The following PCDHGA1 variants were observed in gnomAD, a reference collection of about 807,000 sequenced individuals.
The protein encoded by PCDHGA1 is protocadherin gamma-A1.
In PCDHGA1, 32 loss-of-function variants were observed where a neutral mutation model predicts 58.0. The observed-to-expected ratio is 0.55, with a 90% CI of 0.42 to 0.74. The LOEUF (loss-of-function observed/expected upper bound fraction) is 0.74, where lower values mean the gene tolerates loss of function less well. PCDHGA1 is among the 30% of genes least tolerant of loss of function. The pLI is 0.00. For missense variants in PCDHGA1, 1,205 were observed against 1,182.3 expected, an observed-to-expected ratio of 1.02 and a Z score of -0.28; for synonymous variants, 498 against 501.1, an observed-to-expected ratio of 0.99 and a Z score of 0.08.
At chr5:141,441,793 C>T (rs961624726) in intron 1 of PCDHGA1, 7 of 391,390 alleles carry the variant, frequency 1.8e-5, no homozygotes, top group Non-Finnish European at 3.6e-5. Flanking sequence ...AATGACAACG[C>T]ACCGCGGGTG....
At chr5:141,443,759 A>G (rs1055796439) in intron 1 of PCDHGA1, among the ~76,000 whole-genome samples, 2 of 152,228 alleles carry the variant, frequency 1.3e-5, no homozygotes, top group African/African-American at 2.4e-5. Flanking sequence ...GAAGCTTACA[A>G]TATACAATAT....
chr5:141,458,054 T>G (rs2098935656), intron 1 of PCDHGA1, among the ~76,000 whole-genome samples: 1 of 152,252 alleles, frequency 6.6e-6, no homozygotes, highest in Admixed American at 6.5e-5. Context: ...GGATTCTTGC[T>G]GCACTGATGC....
chr5:141,351,559 C>G, intron 1 of PCDHGA1: 1 of 1,614,050 alleles, frequency 6.2e-7, no homozygotes, highest in Non-Finnish European at 8.5e-7. Context: ...CCAGGACAAG[C>G]ATCACCCTGC....
At chr5:141,366,814 C>G (rs1764814519) in intron 1 of PCDHGA1, 6 of 1,549,164 alleles carry the variant, frequency 3.9e-6, no homozygotes, top group African/African-American at 2.7e-5. Context: ...TTTCATGTTT[C>G]TGTCATATTC....
intron 1 of PCDHGA1, chr5:141,422,637 C>T (rs980166515): frequency 8.7e-5 from 141 of 1,612,568 alleles, no homozygotes; most frequent in Non-Finnish European, 1.2e-4. Flanking sequence ...CCAGGGGTGC[C>T]TCCATCTTCT....
At chr5:141,397,770 A>G (rs913843546) in intron 1 of PCDHGA1, among the ~76,000 whole-genome samples, 13 of 152,238 alleles carry the variant, frequency 8.5e-5, no homozygotes, top group African/African-American at 2.2e-4. Flanking sequence ...TTTATTAAGT[A>G]TATGGACGTA....
intron 1 of PCDHGA1, among the ~76,000 whole-genome samples, chr5:141,468,777 A>T (rs2099178581): frequency 6.7e-6 from 1 of 150,364 alleles, no homozygotes; most frequent in Non-Finnish European, 1.5e-5. Flanking sequence ...GAGGCAGGAG[A>T]ATGGCGTGAA....
chr5:141,447,208 C>T (rs1226099966), intron 1 of PCDHGA1, among the ~76,000 whole-genome samples: 1 of 152,078 alleles, frequency 6.6e-6, no homozygotes, highest in Non-Finnish European at 1.5e-5. Flanking sequence ...GGCTTGATCT[C>T]GGCTCACTGC....
intron 1 of PCDHGA1, chr5:141,359,926 C>T: frequency 2.2e-6 from 1 of 454,778 alleles, no homozygotes; most frequent in Non-Finnish European, 3.7e-6. Flanking sequence ...CCTGAGAAAA[C>T]CTCTGAGCGT....
In PCDHGA1 at chr5:141,393,830, T is replaced by C. The variant is rs926004105; in HGVS notation, c.2421+60725T>C. The C allele has an allele frequency of 1.7e-5, 27 of 1,613,872 alleles. No homozygotes were observed. In the African/African-American group the frequency reaches 3.2e-4, roughly 19 times the overall value. On this transcript the variant is annotated intron_variant, in intron 1 of 3. Coordinates refer to ENST00000517417, the MANE Select transcript of PCDHGA1 (RefSeq NM_018912.3). ...CCAAATTGCTCATTTCGGTGGAAGA[T>C]GTAAATGACAATAGACCAGAAGTGA... is the stretch of plus-strand genomic sequence containing the variant.
Position 141,390,370 on chromosome 5 carries a change from A to T in PCDHGA1, c.2421+57265A>T, listed in dbSNP as rs1252386186. On this transcript the variant is annotated intron_variant, in intron 1 of 3. Coordinates refer to ENST00000517417, the MANE Select transcript of PCDHGA1 (RefSeq NM_018912.3). ...AATATACATATTTGCAGGAAAATAT[A>T]TAATTTTTAGATGTCATGGATCATT... 4 of 1,504,066 alleles carry T rather than the reference A, an allele frequency of 2.7e-6. No individual in the cohort carries two copies. In the African/African-American group the frequency reaches 4.2e-5, roughly 16 times the overall value. The allele number at this position is 1,504,066 out of a possible 1,614,324, so 93.2% of individuals were successfully genotyped here. A position where few individuals can be genotyped will look rare whatever the true frequency, so the allele number is the denominator to read the frequency against.
chr5:141,398,026 C>G, intron 1 of PCDHGA1: 2 of 1,446,724 alleles, frequency 1.4e-6, no homozygotes, highest in Admixed American at 2.6e-5. Context: ...TAAACTGGAA[C>G]TGGAACTAAA....
Position 141,486,601 on chromosome 5 carries a change from C to A in PCDHGA1, c.2422-8206C>A, listed in dbSNP as rs770685748. On this transcript the variant is annotated intron_variant, in intron 1 of 3. Transcript: ENST00000517417. The surrounding 1 kb of genome is among the most constrained non-coding windows in gnomAD (Gnocchi z 5.0). ...ATCGCCCAGGGGACCTGCTTTGCTCCCTTGCAGCCTCTGACCCAGACTCTG... is the reference window on the plus strand; with the variant it reads ...ATCGCCCAGGGGACCTGCTTTGCTCACTTGCAGCCTCTGACCCAGACTCTG... The A allele has an allele frequency of 1.9e-6, 3 of 1,613,558 alleles. No homozygotes were observed. The highest frequency in any genetic ancestry group is 3.3e-5 in the Admixed American group (2 of 60,026).
chr5:141,368,344 T>C (rs1052881289), intron 1 of PCDHGA1, among the ~76,000 whole-genome samples: 5 of 152,060 alleles, frequency 3.3e-5, no homozygotes, highest in African/African-American at 7.2e-5. Context: ...TATATACATA[T>C]ACACACACAT....
intron 2 of PCDHGA1, among the ~76,000 whole-genome samples, chr5:141,500,431 G>A (rs1340129330): frequency 6.6e-6 from 1 of 151,476 alleles, no homozygotes; most frequent in Non-Finnish European, 1.5e-5. Flanking sequence ...GGATGGTCTC[G>A]ATCTCCTGAC....
chr5:141,429,426 G>C (rs992784469), intron 1 of PCDHGA1, among the ~76,000 whole-genome samples: 3 of 151,724 alleles, frequency 2.0e-5, no homozygotes, highest in African/African-American at 4.8e-5. Context: ...TGTTGCCCAG[G>C]CTGGACTCAA....
intron 2 of PCDHGA1, among the ~76,000 whole-genome samples, chr5:141,495,521 C>G (rs1385879589): frequency 6.6e-6 from 1 of 152,144 alleles, no homozygotes; most frequent in Non-Finnish European, 1.5e-5. Flanking sequence ...TTTCTCTTAC[C>G]TCTCAGTCCT....
rs376527354 is a variant in PCDHGA1, at chr5:141,439,129, G to A, written c.2422-55678G>A. Among the ~76,000 whole-genome samples the A allele has an allele frequency of 7.3e-5, 11 of 151,064 alleles. No individual in the cohort carries two copies. The South Asian group carries it at 2.3e-3, about 32-fold the overall frequency. The stretch of plus-strand genomic sequence containing the variant: ...AATCACTTGAACCCGGGAGACAGAG[G>A]TTGCAGTGAGCTGAGATCACGCCAC... On this transcript the variant is annotated intron_variant, in intron 1 of 3. Coordinates refer to ENST00000517417, the MANE Select transcript of PCDHGA1 (RefSeq NM_018912.3).
chr5:141,501,314 C>G, intron 2 of PCDHGA1, among the ~76,000 whole-genome samples: 1 of 151,728 alleles, frequency 6.6e-6, no homozygotes, highest in Non-Finnish European at 1.5e-5. Flanking sequence ...CACACACACA[C>G]ACACACACAC....
Sources: allele counts gnomAD v4.1 joint callset (sites outside exome capture counted in the v4.1 genomes callset), GRCh38; gene constraint gnomAD v4.1.1; non-coding constraint Gnocchi (gnomAD v3.1); transcripts MANE v1.5; gene names NCBI Gene and HGNC (gene_info 2026-07-23, HGNC 2026-07-21).